The following TAF3 variants were observed in gnomAD, a reference collection of about 807,000 sequenced individuals.
TAF3 encodes TATA-box binding protein associated factor 3.
TAF3 carries 7 observed loss-of-function variants against 80.6 expected under a neutral mutation model. The ratio of observed to expected loss-of-function variants is 0.09; its 90% CI spans 0.05 to 0.16. The LOEUF (loss-of-function observed/expected upper bound fraction) is 0.16, where lower values mean the gene tolerates loss of function less well. TAF3 is among the 10% of genes least tolerant of loss of function. The pLI is 1.00. For synonymous variants in TAF3, 444 were observed against 446.1 expected (o/e 1.00, Z 0.06); for missense variants, 921 against 1,140.2 (o/e 0.81, Z 2.77).
chr10:7,991,285 C>A (rs956093048), intron 4 of TAF3, among the ~76,000 whole-genome samples: 3 of 151,826 alleles, frequency 2.0e-5, no homozygotes, highest in African/African-American at 7.3e-5. Flanking sequence ...CCTTGGACAC[C>A]TTTTTTTAAA....
At chr10:7,866,758 T>G (rs181999992) in intron 2 of TAF3, among the ~76,000 whole-genome samples, 1 of 152,124 alleles carries the variant, frequency 6.6e-6, no homozygotes, top group African/African-American at 2.4e-5. Context: ...AAAGCCCAAT[T>G]AGAGGCGAGT....
intron 2 of TAF3, among the ~76,000 whole-genome samples, chr10:7,919,551 G>A (rs1345408188): frequency 3.3e-5 from 5 of 152,076 alleles, no homozygotes; most frequent in Admixed American, 3.3e-4. Context: ...GTTATAGTAC[G>A]GTGGTCCCTC....
At chr10:7,935,149 C>T (rs370448272) in intron 2 of TAF3, among the ~76,000 whole-genome samples, 3 of 152,010 alleles carry the variant, frequency 2.0e-5, no homozygotes, top group African/African-American at 2.4e-5. Flanking sequence ...TGCTGGTGCG[C>T]GCCTGTAATC....
rs1832090655 is a variant in TAF3 at position 8,014,932 on chromosome 10, GC to G, written c.*183del. 3 of 514,336 alleles carry G rather than the reference GC, an allele frequency of 5.8e-6. No individual in the cohort carries two copies. The highest frequency in any genetic ancestry group is 5.8e-5 in the African/African-American group (3 of 51,742). The allele number at this position is 514,336 out of a possible 1,614,324, so 31.9% of individuals were successfully genotyped here. On this transcript the variant is annotated 3_prime_UTR_variant, in exon 7 of 7. Transcript: ENST00000344293. Reference sequence around the variant, plus strand: ...GATTGTTCACTCCCGAGCCGCCTTGGCCTGTGGCTCCGTGGCAGTGCGACAG... The same window carrying G: ...GATTGTTCACTCCCGAGCCGCCTTGGCTGTGGCTCCGTGGCAGTGCGACAG...
chr10:8,012,354 G>A (rs1174848080), intron 5 of TAF3, among the ~76,000 whole-genome samples: 2 of 152,130 alleles, frequency 1.3e-5, no homozygotes, highest in Admixed American at 6.5e-5. Context: ...CCTTAGCTCC[G>A]GTTTCCCCAT....
chr10:7,844,314 T>C (rs1836947498), intron 2 of TAF3, among the ~76,000 whole-genome samples: 1 of 152,068 alleles, frequency 6.6e-6, no homozygotes, highest in East Asian at 1.9e-4. Context: ...CAGTACAACA[T>C]GCTTTAAAAA....
rs1388365357 is a variant in TAF3, at chr10:7,982,660, A to C, written c.2315+5337A>C. On this transcript the variant is annotated intron_variant, in intron 4 of 6. Transcript: ENST00000344293. ...GGTGATCCACCTGCCTTGGCTTCCCAAAGTGCTGGGATTACAGGTGTGAGC... is the reference window on the plus strand; with the variant it reads ...GGTGATCCACCTGCCTTGGCTTCCCCAAGTGCTGGGATTACAGGTGTGAGC... Among the ~76,000 whole-genome samples, 3 of 152,340 alleles carry C rather than the reference A, an allele frequency of 2.0e-5. No individual in the cohort carries two copies. In the East Asian group the frequency reaches 5.8e-4, roughly 29 times the overall value.
chr10:7,876,052 T>C (rs1837309512), intron 2 of TAF3, among the ~76,000 whole-genome samples: 1 of 151,942 alleles, frequency 6.6e-6, no homozygotes, highest in Admixed American at 6.6e-5. Flanking sequence ...AAAGGAAGTT[T>C]GTTTTCCTCC....
At chr10:7,863,724 TATATATATACAC>T (rs1393940091) in intron 2 of TAF3, among the ~76,000 whole-genome samples, 1 of 105,464 alleles carries the variant, frequency 9.5e-6, no homozygotes, top group Non-Finnish European at 1.9e-5. Flanking sequence ...TATATACACA[TATATATATACAC>T]ATATATATAT....
chr10:7,820,431 T>C (rs1427773487), intron 1 of TAF3, among the ~76,000 whole-genome samples: 2 of 152,250 alleles, frequency 1.3e-5, no homozygotes, highest in South Asian at 2.1e-4. Context: ...AAGCCACTTA[T>C]TGACTTTACA....
intron 5 of TAF3, 36 bp from the exon 6 acceptor site, chr10:8,013,693 TCC>T: frequency 6.4e-7 from 1 of 1,569,980 alleles, no homozygotes. Flanking sequence ...TTTTTCCCAT[TCC>T]CTCCATTTTT....
At chr10:7,914,110 T>C (rs1222554933) in intron 2 of TAF3, among the ~76,000 whole-genome samples, 1 of 152,220 alleles carries the variant, frequency 6.6e-6, no homozygotes, top group Non-Finnish European at 1.5e-5. Flanking sequence ...TTGCAATTTT[T>C]TGAGGAAATT....
At chr10:7,980,378 C>T (rs557184909) in intron 4 of TAF3, among the ~76,000 whole-genome samples, 26 of 152,160 alleles carry the variant, frequency 1.7e-4, no homozygotes, top group Non-Finnish European at 2.9e-4. Context: ...TGGATTGTTT[C>T]CTGTGTTCCC....
chr10:7,901,724 A>C (rs1837560167), intron 2 of TAF3, among the ~76,000 whole-genome samples: 1 of 152,246 alleles, frequency 6.6e-6, no homozygotes, highest in African/African-American at 2.4e-5. Flanking sequence ...TCTTAAATTA[A>C]TATTTTATAT....
intron 2 of TAF3, among the ~76,000 whole-genome samples, chr10:7,835,361 A>G (rs1836841821): frequency 6.6e-6 from 1 of 152,208 alleles, no homozygotes; most frequent in Admixed American, 6.5e-5. Context: ...GATTCAGGGT[A>G]GCTCCTCTGA....
At chr10:7,858,834 GCC>G (rs1491546529) in intron 2 of TAF3, among the ~76,000 whole-genome samples, 97 of 149,700 alleles carry the variant, frequency 6.5e-4, no homozygotes, top group African/African-American at 2.0e-3. Context: ...GTGTGCGCGC[GCC>G]TGCATGTCAC....
intron 2 of TAF3, among the ~76,000 whole-genome samples, chr10:7,891,771 T>G (rs936407006): frequency 6.6e-6 from 1 of 152,216 alleles, no homozygotes; most frequent in African/African-American, 2.4e-5. Context: ...AAACACATCA[T>G]TTTCTCTTCT....
At chr10:7,830,721 T>G (rs1435699608) in intron 2 of TAF3, among the ~76,000 whole-genome samples, 1 of 152,124 alleles carries the variant, frequency 6.6e-6, no homozygotes, top group South Asian at 2.1e-4. Flanking sequence ...TGACCTCAAG[T>G]GATCCGCCAG....
intron 2 of TAF3, among the ~76,000 whole-genome samples, chr10:7,854,710 A>T (rs984900551): frequency 2.6e-5 from 4 of 151,946 alleles, no homozygotes; most frequent in African/African-American, 9.7e-5. Context: ...TAGGGAAGAA[A>T]ATATGTGCAT....
Sources: gnomAD v4.1 joint callset for allele counts (sites outside exome capture counted in the v4.1 genomes callset) on GRCh38, gnomAD v4.1.1 for gene constraint, MANE v1.5 for transcripts, NCBI Gene and HGNC (gene_info 2026-07-23, HGNC 2026-07-21) for gene names.